The following MAGI1 variants were observed in gnomAD, a reference collection of about 807,000 sequenced individuals.
MAGI1 encodes membrane associated guanylate kinase, WW and PDZ domain containing 1.
In MAGI1, 58 loss-of-function variants were observed where a neutral mutation model predicts 139.9. The observed-to-expected ratio is 0.41, with a 90% CI of 0.34 to 0.52. MAGI1 has a LOEUF of 0.52. Among genes scored for constraint, MAGI1 ranks in the 20% least tolerant of loss-of-function variants. MAGI1 has a pLI of 0.12. For missense variants in MAGI1, 1,874 were observed against 1,901.6 expected (o/e 0.99, Z 0.27); for synonymous variants, 812 against 737.9 (o/e 1.10, Z -1.63).
At chr3:65,721,156 T>C (rs1310029398) in intron 1 of MAGI1, among the ~76,000 whole-genome samples, 1 of 152,164 alleles carries the variant, frequency 6.6e-6, no homozygotes, top group Non-Finnish European at 1.5e-5. Context: ...CCCTATTGCT[T>C]TTAACTAATA....
In MAGI1 at chr3:65,584,337, C is replaced by T. The variant is rs77518176; in HGVS notation, c.430+37635G>A. On this transcript the variant is annotated intron_variant, in intron 2 of 22. Coordinates refer to ENST00000402939, the MANE Select transcript of MAGI1 (RefSeq NM_001033057.2). ...GGGTCAGCTTATAGGAACCCAGATGCTATATCTATTGGCCTGGTTTCTTGG... is the reference window on the plus strand; with the variant it reads ...GGGTCAGCTTATAGGAACCCAGATGTTATATCTATTGGCCTGGTTTCTTGG... 7.9e-4 allele frequency among the ~76,000 whole-genome samples: 120 copies of T among 152,220 alleles called. 3 individuals are homozygous for T. In the East Asian group the frequency reaches 0.02, roughly 26 times the overall value.
At chr3:65,903,656 G>A (rs939859479) in intron 1 of MAGI1, among the ~76,000 whole-genome samples, 2 of 152,170 alleles carry the variant, frequency 1.3e-5, no homozygotes, top group Non-Finnish European at 2.9e-5. Context: ...TTGCCAGTCA[G>A]CTTGATTTAC....
chr3:65,587,811 A>G (rs1318222630), intron 2 of MAGI1, among the ~76,000 whole-genome samples: 1 of 152,100 alleles, frequency 6.6e-6, no homozygotes, highest in Non-Finnish European at 1.5e-5. Flanking sequence ...TGAGAGATTG[A>G]GTTGTAACTC....
intron 5 of MAGI1, 82 bp from the exon 6 acceptor site, chr3:65,453,422 C>T: frequency 1.0e-6 from 1 of 985,422 alleles, no homozygotes; most frequent in Non-Finnish European, 1.6e-6. Flanking sequence ...ATTACACACT[C>T]TTGAATATTT....
intron 1 of MAGI1, among the ~76,000 whole-genome samples, chr3:65,705,400 A>G (rs1418084277): frequency 2.0e-5 from 3 of 152,222 alleles, no homozygotes; most frequent in Non-Finnish European, 4.4e-5. Flanking sequence ...AGCAATACCA[A>G]CAATACATTA....
chr3:65,622,225 T>C (rs1381908579), intron 1 of MAGI1, 137 bp from the exon 2 acceptor site: 1 of 696,560 alleles, frequency 1.4e-6, no homozygotes, highest in African/African-American at 1.8e-5. Flanking sequence ...GGATGTACTT[T>C]AGGTTTTCCT....
At chr3:65,565,757 T>G (rs2080588058) in intron 2 of MAGI1, among the ~76,000 whole-genome samples, 1 of 149,574 alleles carries the variant, frequency 6.7e-6, no homozygotes, top group South Asian at 2.1e-4. Context: ...CTCTGGAGGC[T>G]GAGGCAGGAG....
chr3:65,419,001 C>A (rs1266309994), intron 12 of MAGI1, among the ~76,000 whole-genome samples: 1 of 152,192 alleles, frequency 6.6e-6, no homozygotes. Context: ...TTTCTTCTAT[C>A]TGCGCTGGCG....
At chr3:65,493,250 T>C (rs769679232) in intron 3 of MAGI1, among the ~76,000 whole-genome samples, 14 of 152,154 alleles carry the variant, frequency 9.2e-5, no homozygotes, top group Non-Finnish European at 1.5e-4. Flanking sequence ...CATGTCCGTA[T>C]TAAAAACAAA....
intron 14 of MAGI1, among the ~76,000 whole-genome samples, chr3:65,390,595 G>A (rs924268304): frequency 1.3e-5 from 2 of 152,264 alleles, no homozygotes; most frequent in Non-Finnish European, 2.9e-5. Context: ...CATATTTATA[G>A]AAAAGGTAAA....
intron 12 of MAGI1, among the ~76,000 whole-genome samples, chr3:65,410,407 G>A (rs1304548306): frequency 6.6e-6 from 1 of 152,162 alleles, no homozygotes; most frequent in Non-Finnish European, 1.5e-5. Flanking sequence ...ACACAGTCAG[G>A]TGAATAGCTG....
chr3:65,526,060 C>G (rs1007722948), intron 2 of MAGI1, among the ~76,000 whole-genome samples: 5 of 152,160 alleles, frequency 3.3e-5, no homozygotes, highest in African/African-American at 9.7e-5. Context: ...TTTTAAATAA[C>G]TCATGGTAAA....
At chr3:65,501,396 G>A (rs931539956) in intron 2 of MAGI1, among the ~76,000 whole-genome samples, 5 of 141,842 alleles carry the variant, frequency 3.5e-5, no homozygotes, top group South Asian at 2.2e-4. Context: ...GCTTGAACCC[G>A]GGAGCTGAGA....
intron 2 of MAGI1, among the ~76,000 whole-genome samples, chr3:65,530,741 G>GTATATATATACACACGTATATATATATA (rs1559642669): frequency 2.9e-5 from 3 of 103,038 alleles, no homozygotes; most frequent in Non-Finnish European, 5.7e-5. Flanking sequence ...ATATATATAT[G>GTATATATATACACACGTATATATATATA]CACATATATA....
At chr3:65,523,142 C>G (rs2078237051) in intron 2 of MAGI1, among the ~76,000 whole-genome samples, 1 of 152,090 alleles carries the variant, frequency 6.6e-6, no homozygotes, top group African/African-American at 2.4e-5. Context: ...TTGCCAGAGT[C>G]TTTTATACCA....
chr3:65,440,846 CATATGTATACATAT>C (rs1201980034), intron 8 of MAGI1, among the ~76,000 whole-genome samples: 2 of 32,118 alleles, frequency 6.2e-5, no homozygotes, highest in African/African-American at 1.2e-4. Flanking sequence ...TACATATATA[CATATGTATACATAT>C]ATATGTATAC....
chr3:65,443,127 G>C (rs1415816080), intron 7 of MAGI1, among the ~76,000 whole-genome samples: 1 of 152,076 alleles, frequency 6.6e-6, no homozygotes, highest in African/African-American at 2.4e-5. Flanking sequence ...TTAGATTTTA[G>C]TGAAAATATA....
At chr3:65,601,007 T>C (rs1370959322) in intron 2 of MAGI1, among the ~76,000 whole-genome samples, 1 of 152,188 alleles carries the variant, frequency 6.6e-6, no homozygotes, top group Non-Finnish European at 1.5e-5. Context: ...TCCTGCCTCA[T>C]GGAACTGTGA....
At chr3:65,757,495 G>A (rs901501898) in intron 1 of MAGI1, among the ~76,000 whole-genome samples, 1 of 152,078 alleles carries the variant, frequency 6.6e-6, no homozygotes, top group African/African-American at 2.4e-5. Flanking sequence ...AAAATTAGCT[G>A]GGCACGGTGG....
Sources: gnomAD v4.1 joint callset for allele counts (sites outside exome capture counted in the v4.1 genomes callset) on GRCh38, gnomAD v4.1.1 for gene constraint, MANE v1.5 for transcripts, NCBI Gene and HGNC (gene_info 2026-07-23, HGNC 2026-07-21) for gene names.